The following GABRG3 variants were observed in gnomAD, a reference collection of about 807,000 sequenced individuals.
GABRG3 encodes the protein gamma-aminobutyric acid type A receptor subunit gamma3.
Under a neutral mutation model 48.8 loss-of-function variants are expected in GABRG3, and 25 were observed. The ratio of observed to expected loss-of-function variants is 0.51; its 90% CI spans 0.37 to 0.72. The LOEUF (loss-of-function observed/expected upper bound fraction) is 0.72, where lower values mean the gene tolerates loss of function less well. Among genes scored for constraint, GABRG3 ranks in the 30% least tolerant of loss-of-function variants. The pLI, the probability that GABRG3 is intolerant of heterozygous loss-of-function variation, is 0.00. For missense variants in GABRG3, 394 were observed against 577.9 expected (o/e 0.68, Z 3.26); for synonymous variants, 227 against 217.6 (o/e 1.04, Z -0.38).
chr15:27,429,419 CT>C, intron 5 of GABRG3, among the ~76,000 whole-genome samples: 1 of 152,118 alleles, frequency 6.6e-6, no homozygotes, highest in Non-Finnish European at 1.5e-5. Context: ...CAAGTCACAA[CT>C]TTAATGAGAT....
chr15:27,422,824 G>T (rs780268303), intron 5 of GABRG3, among the ~76,000 whole-genome samples: 1 of 152,292 alleles, frequency 6.6e-6, no homozygotes, highest in East Asian at 1.9e-4. Flanking sequence ...GATTCACTAG[G>T]AGAACTCACA....
At chr15:27,069,203 C>T (rs868300496) in intron 3 of GABRG3, among the ~76,000 whole-genome samples, 12 of 152,190 alleles carry the variant, frequency 7.9e-5, no homozygotes, top group Admixed American at 3.3e-4. Context: ...CTCAGTGCTT[C>T]TTAACAATGA....
intron 6 of GABRG3, among the ~76,000 whole-genome samples, chr15:27,502,966 T>C (rs4614674): frequency 0.13 from 19,371 of 152,176 alleles, 2,394 homozygotes; most frequent in African/African-American, 0.32. Context: ...TGCTCAGAAC[T>C]CTGTCCTTTG....
At chr15:27,531,049 T>C (rs73373626) in intron 9 of GABRG3, 7,789 of 239,758 alleles carry the variant, frequency 0.032, 647 homozygotes, top group African/African-American at 0.17. Flanking sequence ...CTAGAAGAGA[T>C]GTGTCCACAT....
chr15:27,513,190 G>A lies in GABRG3; in HGVS notation c.713-6782G>A, dbSNP rs1232157566. Among the ~76,000 whole-genome samples, 3 of 152,054 alleles carry A rather than the reference G, an allele frequency of 2.0e-5. No individual in the cohort carries two copies. The East Asian group carries it at 5.8e-4, about 30-fold the overall frequency. On this transcript the variant is annotated intron_variant, in intron 6 of 9. Transcript: ENST00000615808. ...CGGACAGGCGCAGTAGCTCATGCCT[G>A]TAATCCCATCACTTTGGGAGGCCGA...
intron 3 of GABRG3, among the ~76,000 whole-genome samples, chr15:27,235,459 A>G (rs988552920): frequency 1.3e-5 from 2 of 151,116 alleles, no homozygotes; most frequent in Admixed American, 1.3e-4. Context: ...TTATGTACTT[A>G]TCTTTACAAA....
chr15:27,240,155 T>A (rs1890091351), intron 3 of GABRG3, among the ~76,000 whole-genome samples: 1 of 152,224 alleles, frequency 6.6e-6, no homozygotes, highest in Admixed American at 6.5e-5. Context: ...ATGATCATCG[T>A]GACTCTCTTT....
intron 3 of GABRG3, among the ~76,000 whole-genome samples, chr15:27,242,084 A>G (rs1890144015): frequency 6.6e-6 from 1 of 152,208 alleles, no homozygotes; most frequent in Admixed American, 6.5e-5. Flanking sequence ...TCCATCCTCC[A>G]GCACGAGATG....
intron 3 of GABRG3, among the ~76,000 whole-genome samples, chr15:27,081,075 G>A (rs984898020): frequency 1.3e-5 from 2 of 152,158 alleles, no homozygotes; most frequent in African/African-American, 4.8e-5. Flanking sequence ...GCCCACTTTG[G>A]CTAAGCCTGG....
intron 5 of GABRG3, among the ~76,000 whole-genome samples, chr15:27,403,236 G>C (rs1231779122): frequency 1.3e-5 from 2 of 152,102 alleles, no homozygotes; most frequent in Admixed American, 6.5e-5. Context: ...AAAGTTAAAG[G>C]ATGGAAAATA....
At chr15:27,372,447 C>T (rs983442278) in intron 5 of GABRG3, among the ~76,000 whole-genome samples, 2 of 152,136 alleles carry the variant, frequency 1.3e-5, no homozygotes, top group Non-Finnish European at 2.9e-5. Context: ...GGCTGGAATG[C>T]AGTGGAGCAG....
chr15:27,362,241 C>T (rs1895049901), intron 5 of GABRG3: 2 of 152,226 alleles, frequency 1.3e-5, no homozygotes, highest in African/African-American at 4.8e-5. Context: ...ACACCTTCTA[C>T]TATCATCTGT....
chr15:27,343,043 C>T (rs1308313717), intron 5 of GABRG3, among the ~76,000 whole-genome samples: 1 of 152,214 alleles, frequency 6.6e-6, no homozygotes, highest in Non-Finnish European at 1.5e-5. Flanking sequence ...ATCTCCAAGA[C>T]CCTACCTGTC....
chr15:27,060,371 T>C (rs1235011226), intron 3 of GABRG3, among the ~76,000 whole-genome samples: 2 of 152,228 alleles, frequency 1.3e-5, no homozygotes, highest in African/African-American at 2.4e-5. Flanking sequence ...TGCACAAAGA[T>C]GTGGCATGCT....
At chr15:26,971,644 G>A (rs1668960396) in intron 1 of GABRG3, 56 bp downstream of exon 1, 1 of 1,501,670 alleles carries the variant, frequency 6.7e-7, no homozygotes, top group South Asian at 1.3e-5. Context: ...ACAGGGCGGC[G>A]GGGGGCGCTG....
At chr15:27,434,655 A>G (rs993373528) in intron 5 of GABRG3, among the ~76,000 whole-genome samples, 3 of 152,192 alleles carry the variant, frequency 2.0e-5, no homozygotes, top group African/African-American at 7.2e-5. Context: ...GGAAATAACA[A>G]CAGTCCCTTC....
intron 3 of GABRG3, among the ~76,000 whole-genome samples, chr15:27,252,593 C>G (rs1469752462): frequency 6.6e-6 from 1 of 152,204 alleles, no homozygotes; most frequent in Admixed American, 6.5e-5. Flanking sequence ...CCTTAAACCT[C>G]AGGTTTCTGA....
At chr15:27,276,008 A>C (rs1891240432) in intron 3 of GABRG3, among the ~76,000 whole-genome samples, 1 of 152,240 alleles carries the variant, frequency 6.6e-6, no homozygotes, top group Admixed American at 6.5e-5. Context: ...AAAAATATGC[A>C]TGATCCTGCA....
chr15:27,337,355 A>G (rs1249347112), intron 5 of GABRG3, among the ~76,000 whole-genome samples: 1 of 152,238 alleles, frequency 6.6e-6, no homozygotes, highest in Non-Finnish European at 1.5e-5. Context: ...ATTTTACTGC[A>G]TTTTATTCAA....
Sources: allele counts gnomAD v4.1 joint callset (sites outside exome capture counted in the v4.1 genomes callset), GRCh38; gene constraint gnomAD v4.1.1; transcripts MANE v1.5; gene names NCBI Gene and HGNC (gene_info 2026-07-23, HGNC 2026-07-21).